MCM5: variants seen among roughly 807,000 people sequenced by gnomAD.
MCM5 encodes the protein DNA replication licensing factor MCM5.
Under a neutral mutation model 79.9 loss-of-function variants are expected in MCM5, and 46 were observed. The ratio of observed to expected loss-of-function variants is 0.58; its 90% CI spans 0.45 to 0.74. MCM5 has a LOEUF of 0.74. Among genes scored for constraint, MCM5 ranks in the 30% least tolerant of loss-of-function variants. The pLI is 0.00. For synonymous variants in MCM5, 404 were observed against 390.5 expected (o/e 1.03, Z -0.41); for missense variants, 883 against 1,017.0 (o/e 0.87, Z 1.79).
chr22:35,447,013 A>C, the MCM5 span, among the ~76,000 whole-genome samples: 1 of 152,202 alleles, frequency 6.6e-6, no homozygotes, highest in African/African-American at 2.4e-5. Context: ...GACTCCGGGC[A>C]GCGGTCCGCG....
intron 6 of MCM5, 36 bp downstream of exon 6, chr22:35,408,599 CGGT>C: frequency 6.3e-7 from 1 of 1,586,062 alleles, no homozygotes; most frequent in Non-Finnish European, 8.6e-7. Context: ...GCATCTACGA[CGGT>C]GGATGTCCCA....
At chr22:35,421,621 C>A in intron 15 of MCM5, 161 bp downstream of exon 15, 2 of 895,814 alleles carry the variant, frequency 2.2e-6, no homozygotes, top group South Asian at 2.7e-5. Flanking sequence ...CCCCTCTCCT[C>A]CTTTCTCCCC....
At chr22:35,418,472 CAACGTGGCG>C (rs1932605863) in intron 13 of MCM5, among the ~76,000 whole-genome samples, 1 of 152,054 alleles carries the variant, frequency 6.6e-6, no homozygotes, top group South Asian at 2.1e-4. Context: ...CCAGCCTGGC[CAACGTGGCG>C]AAACCCCATG....
intron 4 of MCM5, among the ~76,000 whole-genome samples, chr22:35,404,196 G>A (rs1383289823): frequency 2.0e-5 from 3 of 152,134 alleles, no homozygotes; most frequent in Middle Eastern, 3.2e-3. Flanking sequence ...CACCTCAACT[G>A]AAACATCAAA....
chr22:35,404,147 A>T (rs930491032), intron 4 of MCM5, among the ~76,000 whole-genome samples: 8 of 152,102 alleles, frequency 5.3e-5, no homozygotes, highest in Admixed American at 4.6e-4. Flanking sequence ...ATGACACTTT[A>T]TCCCGAAAAA....
At chr22:35,410,205 T>C (rs1199922450) in intron 6 of MCM5, among the ~76,000 whole-genome samples, 1 of 152,098 alleles carries the variant, frequency 6.6e-6, no homozygotes, top group African/African-American at 2.4e-5. Flanking sequence ...TGTCTCTGAC[T>C]GGGGGACTTG....
chr22:35,412,534 GC>G lies in MCM5; in HGVS notation c.949del (p.Gln317ArgfsTer33). The G allele has an allele frequency of 2.6e-6, 4 of 1,568,286 alleles. No homozygotes were observed. The highest frequency in any genetic ancestry group is 1.2e-5 in the South Asian group (1 of 85,676). ...GSGRSFAGAV[S>X]PQEEEEFRRL... ...GGCCGCAGCTTTGCTGGGGCCGTGA[GC>G]CCCCAGGAGGAGGAGGAGTTCCGTC... is the stretch of plus-strand genomic sequence containing the variant. On this transcript the variant is annotated frameshift_variant, in exon 8 of 17. Coordinates refer to ENST00000216122, the MANE Select transcript of MCM5 (RefSeq NM_006739.4). LOFTEE classifies it high-confidence loss of function.
In MCM5 at chr22:35,400,552, C is replaced by T. The variant is rs1447168504; in HGVS notation, c.114C>T (p.Phe38=). 1 of 1,613,860 alleles carries T rather than the reference C, an allele frequency of 6.2e-7. No individual in the cohort carries two copies. Among genetic ancestry groups the T allele is most frequent in the Non-Finnish European group, 8.5e-7 (1 of 1,179,972 alleles). Residue 38 remains phenylalanine, a synonymous_variant, in exon 2 of 17, where the codon TTC becomes TTT. Transcript: ENST00000216122. ...KSQLQRRFKE[F]LRQYRVGTDR... is the part of the protein sequence containing the mutation. ...AGCTGCAGAGGCGCTTCAAGGAGTT[C>T]CTGCGGCAGTACCGAGTGGGCACCG...
At position 35,424,456 on chromosome 22, in the gene MCM5, T is replaced by C; in HGVS notation, c.*201T>C. 7.8e-6 allele frequency: 4 copies of C among 513,256 alleles called. No individual in the cohort carries two copies. The South Asian group carries it at 1.1e-4, about 14-fold the overall frequency. The allele number at this position is 513,256 out of a possible 1,614,324, so 31.8% of individuals were successfully genotyped here. On this transcript the variant is annotated 3_prime_UTR_variant, in exon 17 of 17. Coordinates refer to ENST00000216122, the MANE Select transcript of MCM5 (RefSeq NM_006739.4). Reference sequence around the variant, plus strand: ...CCGCCTCTAGCGCGGTTCTGGGAAGTGTGCTTTTGGCATCCGTTAATAATA... The same window carrying C: ...CCGCCTCTAGCGCGGTTCTGGGAAGCGTGCTTTTGGCATCCGTTAATAATA...
At chr22:35,450,637 G>A in the MCM5 span, among the ~76,000 whole-genome samples, 1 of 152,182 alleles carries the variant, frequency 6.6e-6, no homozygotes, top group Non-Finnish European at 1.5e-5. Flanking sequence ...GACTTCTGAA[G>A]ACAGGAGGAG....
the MCM5 span, among the ~76,000 whole-genome samples, chr22:35,444,693 T>C: frequency 1.6e-4 from 24 of 152,314 alleles, no homozygotes; most frequent in South Asian, 2.7e-3. Context: ...TGATGACGTT[T>C]ATGGCAGTGA....
At chr22:35,428,991 T>C (rs983395428), downstream of MCM5, among the ~76,000 whole-genome samples, 3 of 140,486 alleles carry the variant, frequency 2.1e-5, no homozygotes, top group Admixed American at 7.1e-5. Context: ...TTTTTTTTTT[T>C]TTTTTTCTTT....
At chr22:35,438,380 C>T in the MCM5 span, among the ~76,000 whole-genome samples, 2 of 150,126 alleles carry the variant, frequency 1.3e-5, no homozygotes, top group Non-Finnish European at 3.0e-5. Flanking sequence ...TCCATCCATT[C>T]ATCCATCCAT....
chr22:35,440,627 C>A, the MCM5 span, among the ~76,000 whole-genome samples: 1 of 152,186 alleles, frequency 6.6e-6, no homozygotes, highest in Non-Finnish European at 1.5e-5. Flanking sequence ...TGCAGCAATG[C>A]AAACTCCATT....
the MCM5 span, among the ~76,000 whole-genome samples, chr22:35,433,535 G>A: frequency 6.6e-6 from 1 of 152,144 alleles, no homozygotes; most frequent in East Asian, 1.9e-4. Flanking sequence ...GGGGACCTTG[G>A]GGGGGTCTCT....
chr22:35,414,632 A>AAATAAT (rs4645789), intron 9 of MCM5, among the ~76,000 whole-genome samples: 23 of 151,332 alleles, frequency 1.5e-4, no homozygotes, highest in African/African-American at 4.1e-4. Flanking sequence ...TAATAATAAT[A>AAATAAT]AATAATAATA....
At chr22:35,417,641 G>C (rs1231451844) in intron 12 of MCM5, 103 bp from the exon 13 acceptor site, 1 of 803,432 alleles carries the variant, frequency 1.2e-6, no homozygotes, top group Non-Finnish European at 2.2e-6. Flanking sequence ...CCGGCTCCTT[G>C]ATGCCAGGGC....
At chr22:35,414,107 C>T in intron 9 of MCM5, 121 bp downstream of exon 9, 4 of 652,040 alleles carry the variant, frequency 6.1e-6, no homozygotes, top group East Asian at 2.7e-5. Flanking sequence ...TTCCTCCTTT[C>T]TCTTGGCTGC....
At chr22:35,417,428 T>G (rs1214039010) in intron 12 of MCM5, among the ~76,000 whole-genome samples, 2 of 152,164 alleles carry the variant, frequency 1.3e-5, no homozygotes, top group South Asian at 4.1e-4. Context: ...CTTGGGTAGA[T>G]CCTATGTCCA....
Sources: allele counts gnomAD v4.1 joint callset (sites outside exome capture counted in the v4.1 genomes callset), GRCh38; gene constraint gnomAD v4.1.1; transcripts MANE v1.5; gene names NCBI Gene and HGNC (gene_info 2026-07-23, HGNC 2026-07-21).